The following SORCS1 variants were observed in gnomAD, a reference collection of about 807,000 sequenced individuals.
SORCS1 encodes the protein VPS10 domain-containing receptor SorCS1.
A neutral mutation model predicts 146.1 loss-of-function variants in SORCS1; 60 were observed. The observed-to-expected ratio is 0.41, with a 90% CI of 0.33 to 0.51. SORCS1 has a LOEUF of 0.51. Among genes scored for constraint, SORCS1 ranks in the 20% least tolerant of loss-of-function variants. The pLI is 0.21. For missense variants in SORCS1, 1,352 were observed against 1,487.6 expected, an observed-to-expected ratio of 0.91 and a Z score of 1.50; for synonymous variants, 637 against 584.0, an observed-to-expected ratio of 1.09 and a Z score of -1.31.
intron 2 of SORCS1, among the ~76,000 whole-genome samples, chr10:106,850,737 C>T (rs944903942): frequency 6.6e-6 from 1 of 152,128 alleles, no homozygotes; most frequent in Non-Finnish European, 1.5e-5. Flanking sequence ...GCTCCAATTA[C>T]CTATGTCTAA....
chr10:106,628,545 T>C (rs1360852958), intron 19 of SORCS1, among the ~76,000 whole-genome samples: 1 of 152,236 alleles, frequency 6.6e-6, no homozygotes, highest in Non-Finnish European at 1.5e-5. Context: ...TTAGAAGTTA[T>C]TATTGTCTCA....
chr10:106,870,778 G>A (rs910267222), intron 2 of SORCS1, among the ~76,000 whole-genome samples: 2 of 152,056 alleles, frequency 1.3e-5, no homozygotes, highest in Non-Finnish European at 2.9e-5. Context: ...ATAGGAACAG[G>A]CAAAGATTGC....
At chr10:107,102,214 T>G (rs1419715303) in intron 1 of SORCS1, among the ~76,000 whole-genome samples, 1 of 152,208 alleles carries the variant, frequency 6.6e-6, no homozygotes, top group Non-Finnish European at 1.5e-5. Context: ...TTATCGAGCC[T>G]TCATTATTTA....
At chr10:106,921,073 C>T (rs1952688135) in intron 2 of SORCS1, among the ~76,000 whole-genome samples, 1 of 152,182 alleles carries the variant, frequency 6.6e-6, no homozygotes, top group Non-Finnish European at 1.5e-5. Flanking sequence ...TCTTGCCTCT[C>T]CCTCTTCATT....
chr10:107,000,234 C>T (rs1190755574), intron 1 of SORCS1, among the ~76,000 whole-genome samples: 1 of 152,188 alleles, frequency 6.6e-6, no homozygotes, highest in East Asian at 1.9e-4. Context: ...CAGTTGATGT[C>T]AAAGTGGTCC....
chr10:106,993,438 T>A (rs12247234), intron 1 of SORCS1, among the ~76,000 whole-genome samples: 2 of 152,108 alleles, frequency 1.3e-5, no homozygotes, highest in Admixed American at 6.5e-5. Flanking sequence ...GAAAATTGAG[T>A]AGCAAAGAGA....
chr10:106,591,192 C>A (rs1845583707), intron 24 of SORCS1, among the ~76,000 whole-genome samples: 1 of 152,162 alleles, frequency 6.6e-6, no homozygotes, highest in Non-Finnish European at 1.5e-5. Context: ...GTGATTCAGT[C>A]TCTTTTGGTA....
Position 107,022,224 on chromosome 10 carries a change from G to A in SORCS1, c.559-65644C>T, listed in dbSNP as rs746736583. Among the ~76,000 whole-genome samples the A allele has an allele frequency of 8.6e-4, 131 of 152,040 alleles. 1 individual carries two copies. The highest frequency in any genetic ancestry group is 1.3e-4 in the Non-Finnish European group (9 of 68,016). Reference sequence around the variant, plus strand: ...ATCTCTTCTCTCTTCTATTTAGGATGTTCATTTCTTCCAAAGAACTCTGGT... The same window carrying A: ...ATCTCTTCTCTCTTCTATTTAGGATATTCATTTCTTCCAAAGAACTCTGGT... On this transcript the variant is annotated intron_variant, in intron 1 of 25. Transcript: ENST00000263054.
chr10:106,998,375 C>T (rs984887992), intron 1 of SORCS1, among the ~76,000 whole-genome samples: 1 of 152,210 alleles, frequency 6.6e-6, no homozygotes, highest in Admixed American at 6.5e-5. Context: ...GACTCCCAAC[C>T]TCTGGCTTCT....
chr10:106,839,471 T>C (rs147479446), intron 2 of SORCS1, among the ~76,000 whole-genome samples: 2,118 of 152,218 alleles, frequency 0.014, 21 homozygotes, highest in Non-Finnish European at 0.022. Context: ...GGAAGAAAAG[T>C]TTCAAGCTAG....
chr10:106,653,984 C>T (rs1850082263), intron 17 of SORCS1, among the ~76,000 whole-genome samples: 1 of 152,182 alleles, frequency 6.6e-6, no homozygotes, highest in African/African-American at 2.4e-5. Context: ...TTCCTGGACT[C>T]TTTCTCCCTC....
intron 5 of SORCS1, among the ~76,000 whole-genome samples, chr10:106,752,184 G>T (rs113787697): frequency 1.3e-5 from 2 of 152,082 alleles, no homozygotes; most frequent in Admixed American, 6.6e-5. Flanking sequence ...CATATATAGA[G>T]CTGCAATCTG....
At chr10:106,725,556 A>C (rs1856089030) in intron 6 of SORCS1, among the ~76,000 whole-genome samples, 1 of 127,110 alleles carries the variant, frequency 7.9e-6, no homozygotes, top group Admixed American at 1.0e-4. Context: ...CATCACATAC[A>C]CAAAAATAAA....
intron 17 of SORCS1, among the ~76,000 whole-genome samples, chr10:106,664,036 G>A (rs993444618): frequency 2.6e-5 from 4 of 152,088 alleles, no homozygotes; most frequent in African/African-American, 7.2e-5. Context: ...ATCTTTAAAC[G>A]GAACAGACGA....
intron 1 of SORCS1, among the ~76,000 whole-genome samples, chr10:107,016,208 A>G (rs1022076441): frequency 6.6e-6 from 1 of 152,260 alleles, no homozygotes; most frequent in Admixed American, 6.5e-5. Context: ...ACATACGTGC[A>G]TAATATATGA....
intron 2 of SORCS1, among the ~76,000 whole-genome samples, chr10:106,849,763 C>T (rs992287194): frequency 9.9e-5 from 15 of 151,448 alleles, no homozygotes; most frequent in Admixed American, 3.3e-4. Flanking sequence ...GATGGGTTTT[C>T]GGTGTGGATG....
chr10:106,596,823 G>A (rs900637015), intron 24 of SORCS1, among the ~76,000 whole-genome samples: 3 of 152,172 alleles, frequency 2.0e-5, no homozygotes, highest in Non-Finnish European at 2.9e-5. Flanking sequence ...CATGTGAGAC[G>A]TATATAAGCG....
At chr10:106,832,181 CTTTTTT>C (rs71025561) in intron 2 of SORCS1, among the ~76,000 whole-genome samples, 2 of 130,358 alleles carry the variant, frequency 1.5e-5, no homozygotes, top group Non-Finnish European at 3.2e-5. Context: ...TTTGTTTTCG[CTTTTTT>C]TTTTTTTTTT....
intron 1 of SORCS1, among the ~76,000 whole-genome samples, chr10:107,119,841 T>C (rs1413507919): frequency 6.6e-6 from 1 of 151,888 alleles, no homozygotes; most frequent in African/African-American, 2.4e-5. Flanking sequence ...GATAAAAGAG[T>C]GAGAGTATTC....
Sources: gnomAD v4.1 joint callset for allele counts (sites outside exome capture counted in the v4.1 genomes callset) on GRCh38, gnomAD v4.1.1 for gene constraint, MANE v1.5 for transcripts, NCBI Gene and HGNC (gene_info 2026-07-23, HGNC 2026-07-21) for gene names.